CUBN: variants seen among roughly 807,000 people sequenced by gnomAD.
The protein encoded by CUBN is cubilin.
In CUBN, 282 loss-of-function variants were observed where a neutral mutation model predicts 405.3. The observed-to-expected ratio is 0.70, with a 90% CI of 0.63 to 0.77. CUBN has a LOEUF of 0.77. CUBN is among the 30% of genes least tolerant of loss of function. The pLI, the probability that CUBN is intolerant of heterozygous loss-of-function variation, is 0.00. For synonymous variants in CUBN, 1,684 were observed against 1,617.0 expected (o/e 1.04, Z -0.99); for missense variants, 4,514 against 4,475.2 (o/e 1.01, Z -0.25).
chr10:16,832,119 A>G (rs1426892870), intron 64 of CUBN, among the ~76,000 whole-genome samples: 2 of 152,130 alleles, frequency 1.3e-5, no homozygotes, highest in Non-Finnish European at 2.9e-5. Context: ...AGAGAACTAC[A>G]CTGTGAACTG....
rs2131633685 is a variant in CUBN, at chr10:16,954,454, A to G, written c.4790T>C (p.Leu1597Pro). The change falls in exon 32 of 67, where the codon CTC (leucine) becomes CCC (proline). Residue 1597 changes from leucine (L) to proline (P), a missense_variant. Around this residue, in one of 5 missense-constraint regions of CUBN, gnomAD observed 1,613 missense variants for 1,542.8 expected, o/e 1.05. Transcript: ENST00000377833. Reference sequence around the variant, plus strand: ...AGGGCCAGACTGAAATCTCAAGAAGAGGCTGTTTCCTGAGGAGACGATGGG... The same window carrying G: ...AGGGCCAGACTGAAATCTCAAGAAGGGGCTGTTTCCTGAGGAGACGATGGG... ...ANPIVSSGNS[L>P]FLRFQSGPSR... The G allele has an allele frequency of 1.9e-6, 3 of 1,614,100 alleles. No homozygotes were observed. Among genetic ancestry groups the G allele is most frequent in the East Asian group, 2.2e-5 (1 of 44,864 alleles).
At chr10:16,853,264 T>G (rs1336093963) in intron 59 of CUBN, among the ~76,000 whole-genome samples, 1 of 152,248 alleles carries the variant, frequency 6.6e-6, no homozygotes, top group African/African-American at 2.4e-5. Context: ...AAACTGGTGC[T>G]GAAATTAATG....
chr10:16,990,345 C>G lies in CUBN; in HGVS notation c.4339G>C (p.Asp1447His), dbSNP rs746904456. 1 of 1,614,104 alleles carries G rather than the reference C, an allele frequency of 6.2e-7. No homozygotes were observed. The highest frequency in any genetic ancestry group is 8.5e-7 in the Non-Finnish European group (1 of 1,180,046). ...ATCTCACTTCCTACCTCCAAGACATCAAAGTTGCACCTTGAATGATACTCC... is the reference window on the plus strand; with the variant it reads ...ATCTCACTTCCTACCTCCAAGACATGAAAGTTGCACCTTGAATGATACTCC... ...DVEYHSRCNF[D>H]VLEIYGGPDF... Residue 1447 changes from aspartate (D) to histidine (H), a missense_variant, in exon 29 of 67, where the codon GAT (aspartate) becomes CAT (histidine). Transcript: ENST00000377833.
In CUBN at chr10:16,984,113, A is replaced by T. The variant is rs1301868533; in HGVS notation, c.4517T>A (p.Val1506Asp). 1.2e-6 allele frequency: 2 copies of T among 1,614,152 alleles called. No individual in the cohort carries two copies. Among genetic ancestry groups the T allele is most frequent in the South Asian group, 2.2e-5 (2 of 91,078 alleles). ...CTCCTTTTCTCACTCACCTCCAGTG[A>T]CTGCTTGCCATGACGCATTGAAGCC... is the stretch of plus-strand genomic sequence containing the variant. The part of the protein sequence containing the change: ...GRGFNASWQA[V>D]TGGCGGIFQA... Residue 1506 changes from valine (V) to aspartate (D), a missense_variant, in exon 30 of 67, where the codon GTC becomes GAC. Transcript: ENST00000377833.
chr10:17,008,658 T>A (rs994826200), intron 28 of CUBN, among the ~76,000 whole-genome samples: 1 of 152,032 alleles, frequency 6.6e-6, no homozygotes, highest in Non-Finnish European at 1.5e-5. Flanking sequence ...ATTTTTTAGG[T>A]TTTGGTTCAG....
At chr10:16,965,429 G>A (rs554255565) in intron 31 of CUBN, among the ~76,000 whole-genome samples, 3 of 152,190 alleles carry the variant, frequency 2.0e-5, no homozygotes, top group East Asian at 3.9e-4. Context: ...GCACTTCAGC[G>A]GCTGCCCCTC....
intron 6 of CUBN, among the ~76,000 whole-genome samples, chr10:17,116,212 G>A (rs1255250222): frequency 6.6e-6 from 1 of 152,230 alleles, no homozygotes; most frequent in Non-Finnish European, 1.5e-5. Context: ...ATTACACTAT[G>A]CGTAAGCTAG....
In CUBN at chr10:17,068,591, G is replaced by A. The variant is rs111781659; in HGVS notation, c.2791+14C>T. 4.3e-3 allele frequency: 6,912 copies of A among 1,599,238 alleles called. 206 individuals are homozygous for A. In the African/African-American group the frequency reaches 0.077, roughly 18 times the overall value. The stretch of plus-strand genomic sequence containing the variant: ...GCCCAAGAGGAGGAAAAAAAAAAGG[G>A]AACAGTCTCTTACCCAAATCCTCAG... On this transcript the variant is annotated intron_variant, in intron 20 of 66. Transcript: ENST00000377833.
At chr10:17,018,379 G>A (rs1834398760) in intron 28 of CUBN, among the ~76,000 whole-genome samples, 2 of 152,134 alleles carry the variant, frequency 1.3e-5, no homozygotes, top group Admixed American at 6.5e-5. Flanking sequence ...CTCGTGGTGA[G>A]TGTTATAGTT....
In CUBN at chr10:17,116,973, C is replaced by T. The variant is rs778358451; in HGVS notation, c.594-1376G>A. ...GTATAAATATGTTCCATGCAATTTA[C>T]GACATCAGTATATATTTACATAAAA... On this transcript the variant is annotated intron_variant, in intron 6 of 66. Transcript: ENST00000377833. Among the ~76,000 whole-genome samples the T allele has an allele frequency of 2.0e-5, 3 of 152,034 alleles. No individual in the cohort carries two copies. The East Asian group carries it at 5.8e-4, about 29-fold the overall frequency.
intron 54 of CUBN, among the ~76,000 whole-genome samples, chr10:16,892,073 C>T (rs181028527): frequency 3.0e-4 from 45 of 152,300 alleles, no homozygotes; most frequent in Admixed American, 2.8e-3. Context: ...AACATCAAGT[C>T]ATTAAAAACA....
At position 16,940,249 on chromosome 10, in the gene CUBN, A is replaced by G. The variant is rs752521507; in HGVS notation, c.5343-12T>C. The G allele has an allele frequency of 6.2e-7, 1 of 1,607,018 alleles. No homozygotes were observed. Among genetic ancestry groups the G allele is most frequent in the East Asian group, 2.2e-5 (1 of 44,826 alleles). ...CCAACTGGAAAGATCTGATTTGGGG[A>G]AAAAAATATTTAAAGGGATTAAATT... On this transcript the variant is annotated splice_polypyrimidine_tract_variant and intron_variant, in intron 36 of 66. Coordinates refer to ENST00000377833, the MANE Select transcript of CUBN (RefSeq NM_001081.4).
rs147480288 is a variant in CUBN at position 16,825,701 on chromosome 10, C to T, written c.10765-619G>A. Among the ~76,000 whole-genome samples, 18 of 149,180 alleles carry T rather than the reference C, an allele frequency of 1.2e-4. 1 individual carries two copies. The highest frequency in any genetic ancestry group is 4.0e-4 in the African/African-American group (16 of 40,486). ...GGGGGGATACATGGGTCCCCGTTGT[C>T]TCTCACTTTCTATTCATTCATTTGG... On this transcript the variant is annotated intron_variant, in intron 66 of 66. Coordinates refer to ENST00000377833, the MANE Select transcript of CUBN (RefSeq NM_001081.4).
At chr10:17,050,173 A>G (rs1029804464) in intron 22 of CUBN, among the ~76,000 whole-genome samples, 1 of 151,848 alleles carries the variant, frequency 6.6e-6, no homozygotes, top group Non-Finnish European at 1.5e-5. Context: ...CCTGTACTCT[A>G]TCCTGGTTGG....
chr10:17,071,087 T>G (rs934329708), intron 19 of CUBN, among the ~76,000 whole-genome samples: 1 of 152,336 alleles, frequency 6.6e-6, no homozygotes, highest in Non-Finnish European at 1.5e-5. Flanking sequence ...TTGAATTTTG[T>G]CAAATCCAGC....
intron 17 of CUBN, among the ~76,000 whole-genome samples, chr10:17,081,334 A>T (rs1453366267): frequency 6.6e-6 from 1 of 152,160 alleles, no homozygotes; most frequent in Non-Finnish European, 1.5e-5. Context: ...CCTTAGGATC[A>T]TTCTCCCACA....
intron 54 of CUBN, among the ~76,000 whole-genome samples, chr10:16,897,200 T>C (rs1841208795): frequency 6.6e-6 from 1 of 152,238 alleles, no homozygotes; most frequent in Non-Finnish European, 1.5e-5. Context: ...TCTTGATTCC[T>C]GATACAACGT....
intron 60 of CUBN, among the ~76,000 whole-genome samples, chr10:16,842,667 C>T (rs556053601): frequency 2.8e-4 from 43 of 152,230 alleles, no homozygotes; most frequent in African/African-American, 8.9e-4. Context: ...GTGTTCTCCA[C>T]TGAACTGCCT....
intron 14 of CUBN, among the ~76,000 whole-genome samples, chr10:17,091,814 C>A (rs766008062): frequency 6.6e-6 from 1 of 152,178 alleles, no homozygotes; most frequent in East Asian, 1.9e-4. Flanking sequence ...AACAACATGA[C>A]AAATGGCATG....
Sources: gnomAD v4.1 joint callset for allele counts (sites outside exome capture counted in the v4.1 genomes callset) on GRCh38, gnomAD v4.1.1 for gene constraint, gnomAD v4.1.1 regional missense constraint, MANE v1.5 for transcripts, NCBI Gene and HGNC (gene_info 2026-07-23, HGNC 2026-07-21) for gene names.